Variants in STK24 observed in about 807,000 individuals in gnomAD.
STK24 encodes serine/threonine-protein kinase 24.
STK24 carries 21 observed loss-of-function variants against 55.6 expected under a neutral mutation model. The ratio of observed to expected loss-of-function variants is 0.38; its 90% CI spans 0.27 to 0.54. The LOEUF is 0.54. Ranked by LOEUF, STK24 falls within the 20% of genes least tolerant of loss-of-function variation. The pLI is 0.79. For synonymous variants in STK24, 200 were observed against 215.2 expected (o/e 0.93, Z 0.62); for missense variants, 383 against 538.4 (o/e 0.71, Z 2.86).
chr13:98,515,911 G>A (rs2139374868), intron 2 of STK24, among the ~76,000 whole-genome samples: 1 of 152,280 alleles, frequency 6.6e-6, no homozygotes, highest in Middle Eastern at 3.4e-3. Context: ...AGCTCTGAAC[G>A]CTACAGGGAG....
At chr13:98,522,013 C>T (rs749017220) in intron 1 of STK24, 17 of 1,432,736 alleles carry the variant, frequency 1.2e-5, no homozygotes, top group Non-Finnish European at 1.6e-5. Flanking sequence ...TCCTCCTCCA[C>T]TCTCTCCTTC....
At chr13:98,459,711 C>A (rs1387873431) in intron 9 of STK24, among the ~76,000 whole-genome samples, 1 of 152,250 alleles carries the variant, frequency 6.6e-6, no homozygotes, top group East Asian at 1.9e-4. Flanking sequence ...CGTGTGTGGC[C>A]CACAGTGAGT....
chr13:98,560,296 G>A (rs1897385688), intron 1 of STK24, among the ~76,000 whole-genome samples: 1 of 152,140 alleles, frequency 6.6e-6, no homozygotes, highest in African/African-American at 2.4e-5. Context: ...ACCTTGTACG[G>A]GATGAAAACT....
chr13:98,497,778 T>G (rs1481434656), intron 2 of STK24, among the ~76,000 whole-genome samples: 1 of 152,176 alleles, frequency 6.6e-6, no homozygotes. Context: ...GCTGGGTGGA[T>G]ACCAGGATGT....
Position 98,469,140 on chromosome 13 carries a change from C to A in STK24, c.598-2579G>T, listed in dbSNP as rs55638511. Among the ~76,000 whole-genome samples the A allele has an allele frequency of 1.3e-3, 193 of 152,320 alleles. 1 individual carries two copies. The highest frequency in any genetic ancestry group is 7.2e-3 in the South Asian group (35 of 4,828). ...CTGCTTGCGAACGCCTGCTTCTGCA[C>A]GCAGTGTGCACCACGGGAAGTTCAC... On this transcript the variant is annotated intron_variant, in intron 5 of 10. Coordinates refer to ENST00000539966, the MANE Select transcript of STK24 (RefSeq NM_001032296.4).
chr13:98,481,275 A>C (rs1385584752), intron 3 of STK24, among the ~76,000 whole-genome samples: 2 of 152,358 alleles, frequency 1.3e-5, no homozygotes, highest in East Asian at 3.9e-4. Context: ...ATCAAAACCC[A>C]ATAGGAAGCC....
At chr13:98,460,157 C>A (rs1417789089) in intron 9 of STK24, among the ~76,000 whole-genome samples, 1 of 152,196 alleles carries the variant, frequency 6.6e-6, no homozygotes, top group African/African-American at 2.4e-5. Context: ...ATCCAGTCTA[C>A]ACATTCCAGG....
intron 5 of STK24, among the ~76,000 whole-genome samples, chr13:98,474,205 T>A (rs1246278365): frequency 6.6e-6 from 1 of 152,008 alleles, no homozygotes; most frequent in East Asian, 1.9e-4. Flanking sequence ...TAGGAGAGTG[T>A]CCCTAACACA....
chr13:98,483,038 C>G (rs550705291), intron 2 of STK24, among the ~76,000 whole-genome samples: 20 of 152,392 alleles, frequency 1.3e-4, no homozygotes, highest in Admixed American at 6.5e-4. Flanking sequence ...CTACTCAGCC[C>G]TCATGACTTG....
chr13:98,520,879 G>A (rs1566383107), intron 1 of STK24, among the ~76,000 whole-genome samples: 1 of 152,212 alleles, frequency 6.6e-6, no homozygotes, highest in Non-Finnish European at 1.5e-5. Context: ...TGCACACAGG[G>A]GCGCAGAGCC....
rs540848707 is a variant in STK24 at position 98,449,077 on chromosome 13, T to C, written c.*4096A>G. On this transcript the variant is annotated 3_prime_UTR_variant, in exon 11 of 11. Coordinates refer to ENST00000539966, the MANE Select transcript of STK24 (RefSeq NM_001032296.4). ...ACCGTCCTGTGAGTGGTGTACACAA[T>C]GGGAAGATAATAAGCCGTGGTGTTT... 1.3e-5 allele frequency: 2 copies of C among 152,324 alleles called. No homozygotes were observed. Among genetic ancestry groups the C allele is most frequent in the East Asian group, 3.9e-4 (2 of 5,180 alleles). 9.4% of individuals were successfully genotyped at this position (152,324 alleles called of 1,614,324 possible).
chr13:98,468,741 A>G (rs1407898862), intron 5 of STK24, among the ~76,000 whole-genome samples: 1 of 152,238 alleles, frequency 6.6e-6, no homozygotes, highest in East Asian at 1.9e-4. Flanking sequence ...TAATAGTTAT[A>G]TGAATTTTTT....
At chr13:98,483,340 C>T (rs935757217) in intron 2 of STK24, among the ~76,000 whole-genome samples, 6 of 152,168 alleles carry the variant, frequency 3.9e-5, no homozygotes, top group South Asian at 2.1e-4. Context: ...GGGGTTCAGA[C>T]GTCAGCCTGC....
At chr13:98,548,813 G>A (rs1176077390) in intron 1 of STK24, among the ~76,000 whole-genome samples, 1 of 125,402 alleles carries the variant, frequency 8.0e-6, no homozygotes, top group Non-Finnish European at 1.6e-5. Flanking sequence ...AGTGACCCAA[G>A]ATCATACCAC....
At chr13:98,565,657 C>T (rs964249877) in intron 1 of STK24, among the ~76,000 whole-genome samples, 8 of 149,916 alleles carry the variant, frequency 5.3e-5, no homozygotes, top group African/African-American at 1.7e-4. Context: ...AAATTATATT[C>T]GATTAGAGGG....
intron 5 of STK24, among the ~76,000 whole-genome samples, 194 bp downstream of exon 5, chr13:98,474,627 A>G (rs1894293968): frequency 6.6e-6 from 1 of 152,234 alleles, no homozygotes; most frequent in Admixed American, 6.5e-5. Flanking sequence ...GGGCTGGATC[A>G]GCACAGGGTA....
intron 4 of STK24, 123 bp downstream of exon 4, chr13:98,475,127 C>A: frequency 7.1e-7 from 1 of 1,410,154 alleles, no homozygotes; most frequent in Non-Finnish European, 9.5e-7. Flanking sequence ...CAAAGCCAGC[C>A]CAGCCCAGGC....
rs1893271179 is a variant in STK24 at position 98,453,058 on chromosome 13, C to T, written c.*115G>A. 10 of 1,233,348 alleles carry T rather than the reference C, an allele frequency of 8.1e-6. No homozygotes were observed. Among genetic ancestry groups the T allele is most frequent in the Non-Finnish European group, 1.2e-5 (10 of 865,542 alleles). 76.4% of individuals were successfully genotyped at this position (1,233,348 alleles called of 1,614,324 possible). ...GGACGGGCGCCTGGCGCTGGGGTGG[C>T]TCCCAGTGGCGCACCTCTTCGGTGG... On this transcript the variant is annotated 3_prime_UTR_variant, in exon 11 of 11. Transcript: ENST00000539966.
intron 2 of STK24, among the ~76,000 whole-genome samples, chr13:98,504,372 G>A (rs1238689250): frequency 1.3e-5 from 2 of 152,226 alleles, no homozygotes; most frequent in Non-Finnish European, 2.9e-5. Context: ...CTGGGAAAAT[G>A]CAGATTTCTG....
Sources: allele counts gnomAD v4.1 joint callset (sites outside exome capture counted in the v4.1 genomes callset), GRCh38; gene constraint gnomAD v4.1.1; transcripts MANE v1.5; gene names NCBI Gene and HGNC (gene_info 2026-07-23, HGNC 2026-07-21).